Variants in ALK observed in about 807,000 individuals in gnomAD.
ALK encodes the protein ALK tyrosine kinase receptor.
ALK carries 74 observed loss-of-function variants against 163.1 expected under a neutral mutation model. The observed-to-expected ratio is 0.45, with a 90% CI of 0.38 to 0.55. The LOEUF (loss-of-function observed/expected upper bound fraction) is 0.55, where lower values mean the gene tolerates loss of function less well. ALK is among the 20% of genes least tolerant of loss of function. The pLI is 0.00. For synonymous variants in ALK, 960 were observed against 843.2 expected, an observed-to-expected ratio of 1.14 and a Z score of -2.40; for missense variants, 2,063 against 2,105.3, an observed-to-expected ratio of 0.98 and a Z score of 0.39.
chr2:29,549,196 ATG>A (rs1206192724), intron 3 of ALK, among the ~76,000 whole-genome samples: 1 of 151,984 alleles, frequency 6.6e-6, no homozygotes, highest in African/African-American at 2.4e-5. Context: ...GCACAGGTGT[ATG>A]TGTCTTTCAT....
chr2:29,665,607 G>C (rs1453765165), intron 3 of ALK, among the ~76,000 whole-genome samples: 2 of 152,008 alleles, frequency 1.3e-5, no homozygotes, highest in East Asian at 3.9e-4. Flanking sequence ...GAGGTTGAAA[G>C]GGGGCCTATG....
At chr2:29,253,853 TA>T (rs1358981227) in intron 11 of ALK, among the ~76,000 whole-genome samples, 2 of 118,628 alleles carry the variant, frequency 1.7e-5, no homozygotes, top group Non-Finnish European at 3.5e-5. Context: ...ATTAGATAGA[TA>T]GATAGATAGA....
At chr2:29,379,260 C>G (rs557160695) in intron 5 of ALK, among the ~76,000 whole-genome samples, 1 of 152,134 alleles carries the variant, frequency 6.6e-6, no homozygotes, top group Admixed American at 6.5e-5. Context: ...CTTTCACTGG[C>G]CTTTCAGTGA....
At chr2:29,458,539 T>G (rs897682797) in intron 4 of ALK, among the ~76,000 whole-genome samples, 2 of 152,166 alleles carry the variant, frequency 1.3e-5, no homozygotes, top group African/African-American at 4.8e-5. Flanking sequence ...ATCTTGCAAA[T>G]GCCTTCAACA....
At chr2:29,480,544 T>C (rs1024102233) in intron 4 of ALK, among the ~76,000 whole-genome samples, 1 of 152,142 alleles carries the variant, frequency 6.6e-6, no homozygotes, top group Non-Finnish European at 1.5e-5. Context: ...TAGGTGATTG[T>C]CTGTTATATT....
chr2:29,638,665 TC>T (rs1186296433), intron 3 of ALK, among the ~76,000 whole-genome samples: 1 of 152,110 alleles, frequency 6.6e-6, no homozygotes, highest in Non-Finnish European at 1.5e-5. Context: ...GCTCCTTATC[TC>T]ACCCATGGAG....
At chr2:29,323,657 C>T (rs1352398332) in intron 6 of ALK, among the ~76,000 whole-genome samples, 2 of 152,206 alleles carry the variant, frequency 1.3e-5, no homozygotes, top group East Asian at 3.9e-4. Flanking sequence ...CAGCCAGAAG[C>T]CACTCCTGAG....
At chr2:29,840,781 A>G (rs1482368030) in intron 1 of ALK, among the ~76,000 whole-genome samples, 2 of 152,238 alleles carry the variant, frequency 1.3e-5, no homozygotes, top group Non-Finnish European at 2.9e-5. Flanking sequence ...AGTATGCAAA[A>G]TACTTCTATT....
intron 4 of ALK, among the ~76,000 whole-genome samples, chr2:29,429,535 A>G (rs1670224457): frequency 6.6e-6 from 1 of 152,050 alleles, no homozygotes; most frequent in Admixed American, 6.6e-5. Flanking sequence ...GAAGTACAAA[A>G]CTTACACTCT....
chr2:29,484,428 T>C (rs188519130), intron 4 of ALK, among the ~76,000 whole-genome samples: 8 of 152,298 alleles, frequency 5.3e-5, no homozygotes, highest in African/African-American at 1.9e-4. Context: ...TTAGGACTTA[T>C]GGTATTAAAT....
At chr2:29,765,280 G>C in intron 1 of ALK, among the ~76,000 whole-genome samples, 1 of 152,106 alleles carries the variant, frequency 6.6e-6, no homozygotes. Context: ...ACCTGAAAAT[G>C]ATCGAAAGTT....
At chr2:29,464,961 T>C (rs929082214) in intron 4 of ALK, among the ~76,000 whole-genome samples, 2 of 152,222 alleles carry the variant, frequency 1.3e-5, no homozygotes, top group African/African-American at 4.8e-5. Context: ...AGTGACAATG[T>C]CAGTCGAATA....
chr2:29,233,363 C>A (rs756096237), intron 14 of ALK, among the ~76,000 whole-genome samples: 4 of 152,148 alleles, frequency 2.6e-5, no homozygotes, highest in Non-Finnish European at 5.9e-5. Context: ...CCAAGCTGAT[C>A]GTGAATTCCT....
chr2:29,630,737 C>T (rs1001684066), intron 3 of ALK, among the ~76,000 whole-genome samples: 1 of 151,978 alleles, frequency 6.6e-6, no homozygotes, highest in Non-Finnish European at 1.5e-5. Flanking sequence ...TTAACCCAGG[C>T]TATATTTTGA....
intron 3 of ALK, among the ~76,000 whole-genome samples, chr2:29,601,718 C>T (rs1041269193): frequency 6.6e-5 from 10 of 152,028 alleles, no homozygotes; most frequent in African/African-American, 1.9e-4. Context: ...ATGGGTACAG[C>T]GTGTATCCAG....
chr2:29,592,834 G>A (rs1675099417), intron 3 of ALK, among the ~76,000 whole-genome samples: 1 of 152,136 alleles, frequency 6.6e-6, no homozygotes, highest in African/African-American at 2.4e-5. Flanking sequence ...AAGGAGCTTG[G>A]AGTCCTTCTG....
intron 3 of ALK, among the ~76,000 whole-genome samples, chr2:29,660,348 T>C (rs1677312323): frequency 6.6e-6 from 1 of 152,166 alleles, no homozygotes; most frequent in Non-Finnish European, 1.5e-5. Flanking sequence ...CCCAATTTGT[T>C]CAGAGGAACT....
chr2:29,885,352 C>T (rs544767017), intron 1 of ALK, among the ~76,000 whole-genome samples: 44 of 152,246 alleles, frequency 2.9e-4, no homozygotes, highest in Middle Eastern at 3.4e-3. Context: ...ATTGTCAATG[C>T]TGTGGAAGAG....
chr2:29,338,772 C>CA, intron 5 of ALK, among the ~76,000 whole-genome samples: 1 of 152,338 alleles, frequency 6.6e-6, no homozygotes, highest in Non-Finnish European at 1.5e-5. Flanking sequence ...TCAAATAATA[C>CA]AAACCAGATC....
Sources: gnomAD v4.1 joint callset for allele counts (sites outside exome capture counted in the v4.1 genomes callset) on GRCh38, gnomAD v4.1.1 for gene constraint, MANE v1.5 for transcripts, NCBI Gene and HGNC (gene_info 2026-07-23, HGNC 2026-07-21) for gene names.